EFCAB13: variants seen among roughly 807,000 people sequenced by gnomAD.
EFCAB13 encodes the protein EF-hand calcium-binding domain-containing protein 13.
Under a neutral mutation model 110.2 loss-of-function variants are expected in EFCAB13, and 91 were observed. The observed-to-expected ratio is 0.83, with a 90% CI of 0.70 to 0.98. EFCAB13 has a LOEUF of 0.98. Ranked by LOEUF, EFCAB13 falls within the 50% of genes least tolerant of loss-of-function variation. The probability of loss-of-function intolerance (pLI) is 0.00; values close to 1 mark genes in which losing one functional copy is unlikely to be tolerated. For missense variants in EFCAB13, 968 were observed against 1,119.4 expected (o/e 0.86, Z 1.93); for synonymous variants, 323 against 369.9 (o/e 0.87, Z 1.45).
At chr17:47,333,387 G>A (rs541989474) in intron 4 of EFCAB13, among the ~76,000 whole-genome samples, 2 of 152,022 alleles carry the variant, frequency 1.3e-5, no homozygotes, top group Non-Finnish European at 2.9e-5. Context: ...CCTTTCTGTG[G>A]GTTGTTTCTC....
chr17:47,379,317 T>A (rs1051735572), intron 14 of EFCAB13, 64 bp downstream of exon 14: 129 of 1,306,880 alleles, frequency 9.9e-5, no homozygotes, highest in Non-Finnish European at 1.4e-4. Flanking sequence ...AAGAATTAGG[T>A]TCAACAGAAC....
chr17:47,402,177 A>G lies in EFCAB13; in HGVS notation c.1991A>G (p.Asn664Ser). 1.2e-6 allele frequency: 2 copies of G among 1,613,966 alleles called. No homozygotes were observed. Among genetic ancestry groups the G allele is most frequent in the Non-Finnish European group, 1.7e-6 (2 of 1,179,894 alleles). The part of the protein sequence containing the change: ...QFEEFAKVVR[N>S]MRDAARLEEL... ...GAAGAATTTGCAAAAGTAGTAAGGA[A>G]TATGCGTGATGCTGCCAGGTTAGAA... is the stretch of plus-strand genomic sequence containing the variant. Residue 664 changes from asparagine to serine, a missense_variant, in exon 18 of 25, where the codon AAT becomes AGT. Asn to Ser is a conservative substitution (Grantham distance 46). Transcript: ENST00000331493.
chr17:47,361,216 T>C lies in EFCAB13; in HGVS notation c.662-162T>C, dbSNP rs143441758. Reference sequence around the variant, plus strand: ...TAAAAGACCAATGTTTTAACCACTATTATAAAGTTATTTTATATCAGTGGT... The same window carrying C: ...TAAAAGACCAATGTTTTAACCACTACTATAAAGTTATTTTATATCAGTGGT... On this transcript the variant is annotated intron_variant, in intron 9 of 24. Coordinates refer to ENST00000331493, the MANE Select transcript of EFCAB13 (RefSeq NM_152347.5). Among the ~76,000 whole-genome samples the C allele has an allele frequency of 2.4e-3, 367 of 152,308 alleles. 2 individuals are homozygous for C. Among genetic ancestry groups the C allele is most frequent in the African/African-American group, 8.3e-3 (345 of 41,568 alleles).
intron 20 of EFCAB13, 71 bp downstream of exon 20, chr17:47,404,704 C>A: frequency 1.7e-6 from 2 of 1,208,940 alleles, no homozygotes; most frequent in Middle Eastern, 1.9e-4. Context: ...CTAGTAAAAC[C>A]CTAAATTTGG....
intron 24 of EFCAB13, among the ~76,000 whole-genome samples, chr17:47,438,312 T>G (rs1912485): frequency 0.63 from 96,054 of 151,936 alleles, 30,791 homozygotes; most frequent in African/African-American, 0.71. Flanking sequence ...TGCTTCTTGT[T>G]TTTGGATATC....
chr17:47,412,413 C>G (rs145144811), intron 21 of EFCAB13, among the ~76,000 whole-genome samples: 378 of 152,314 alleles, frequency 2.5e-3, no homozygotes, highest in Middle Eastern at 6.8e-3. Flanking sequence ...GGATCAAGAG[C>G]TTCAATCTCA....
At chr17:47,343,048 T>C (rs914411943) in intron 6 of EFCAB13, among the ~76,000 whole-genome samples, 7 of 152,198 alleles carry the variant, frequency 4.6e-5, no homozygotes, top group South Asian at 2.1e-4. Flanking sequence ...ATCAATTCAC[T>C]GTATGAAATT....
intron 14 of EFCAB13, among the ~76,000 whole-genome samples, chr17:47,389,598 C>T (rs529578780): frequency 2.0e-3 from 288 of 145,120 alleles, no homozygotes; most frequent in African/African-American, 6.8e-3. Context: ...TTTTTTTTTA[C>T]CCTATCCCTC....
intron 11 of EFCAB13, among the ~76,000 whole-genome samples, chr17:47,373,209 T>C (rs958770738): frequency 3.9e-5 from 6 of 152,204 alleles, no homozygotes; most frequent in African/African-American, 1.4e-4. Context: ...TTGTTGATGT[T>C]CTCTATTGTA....
At chr17:47,342,863 A>C (rs1213514358) in intron 6 of EFCAB13, among the ~76,000 whole-genome samples, 1 of 151,898 alleles carries the variant, frequency 6.6e-6, no homozygotes. Flanking sequence ...TCTACTTTCT[A>C]GTTCACTTAT....
chr17:47,336,534 G>A (rs2065351596), intron 5 of EFCAB13, among the ~76,000 whole-genome samples: 2 of 151,340 alleles, frequency 1.3e-5, no homozygotes, highest in East Asian at 1.9e-4. Flanking sequence ...CTCATGATCC[G>A]CCTGCTTCTG....
At chr17:47,434,862 C>T (rs1474083267) in intron 24 of EFCAB13, among the ~76,000 whole-genome samples, 1 of 152,068 alleles carries the variant, frequency 6.6e-6, no homozygotes, top group Non-Finnish European at 1.5e-5. Flanking sequence ...ACTGTATCCT[C>T]ATCACTCACC....
chr17:47,385,698 T>G (rs1292378573), intron 14 of EFCAB13, among the ~76,000 whole-genome samples: 1 of 151,780 alleles, frequency 6.6e-6, no homozygotes, highest in African/African-American at 2.4e-5. Context: ...TAGAGAGGAG[T>G]TGCAATCATT....
chr17:47,351,924 T>C (rs2065455828), intron 9 of EFCAB13, among the ~76,000 whole-genome samples: 2 of 145,968 alleles, frequency 1.4e-5, no homozygotes, highest in Admixed American at 7.0e-5. Flanking sequence ...TTTTTTTAGA[T>C]GGAGTCTCGC....
At chr17:47,397,961 G>GAGGTGGGGGGGTC (rs1235653751) in intron 17 of EFCAB13, among the ~76,000 whole-genome samples, 47 of 149,448 alleles carry the variant, frequency 3.1e-4, no homozygotes, top group African/African-American at 1.2e-3. Context: ...GTCCGGGAGG[G>GAGGTGGGGGGGTC]AGGTGGGGGG....
chr17:47,346,442 C>A (rs1323465447), intron 8 of EFCAB13, among the ~76,000 whole-genome samples: 1 of 140,356 alleles, frequency 7.1e-6, no homozygotes, highest in Admixed American at 7.1e-5. Context: ...TACCCCCCCC[C>A]CCATTTATCT....
chr17:47,402,228 G>A, intron 18 of EFCAB13, 25 bp downstream of exon 18: 2 of 1,594,066 alleles, frequency 1.3e-6, no homozygotes, highest in Non-Finnish European at 8.6e-7. Context: ...ATTTATAACG[G>A]TTAGATTTAC....
chr17:47,423,630 C>G, intron 23 of EFCAB13: 3 of 368,762 alleles, frequency 8.1e-6, no homozygotes, highest in Non-Finnish European at 1.4e-5. Context: ...TCCATTGTTT[C>G]GCTTCTCTGG....
intron 20 of EFCAB13, among the ~76,000 whole-genome samples, chr17:47,405,998 C>G (rs940078128): frequency 4.6e-5 from 7 of 151,800 alleles, no homozygotes; most frequent in African/African-American, 1.7e-4. Flanking sequence ...CAGTCTTTGA[C>G]TTGTTAGGCT....
Sources: allele counts gnomAD v4.1 joint callset (sites outside exome capture counted in the v4.1 genomes callset), GRCh38; gene constraint gnomAD v4.1.1; transcripts MANE v1.5; gene names NCBI Gene and HGNC (gene_info 2026-07-23, HGNC 2026-07-21).